ITGA4: variants seen among roughly 807,000 people sequenced by gnomAD.
ITGA4 encodes integrin subunit alpha 4, also known as integrin alpha-4.
In ITGA4, 63 loss-of-function variants were observed where a neutral mutation model predicts 133.6. The ratio of observed to expected loss-of-function variants is 0.47; its 90% CI spans 0.38 to 0.58. The LOEUF is 0.58. ITGA4 is among the 20% of genes least tolerant of loss of function. The pLI is 0.00. For synonymous variants in ITGA4, 483 were observed against 438.0 expected, an observed-to-expected ratio of 1.10 and a Z score of -1.28; for missense variants, 1,076 against 1,252.7, an observed-to-expected ratio of 0.86 and a Z score of 2.13.
intron 10 of ITGA4, among the ~76,000 whole-genome samples, chr2:181,489,931 G>A (rs1412953875): frequency 3.3e-5 from 5 of 152,122 alleles, no homozygotes; most frequent in Admixed American, 2.6e-4. Flanking sequence ...CAAGACTCCT[G>A]TCTCAAGAGC....
At chr2:181,512,110 G>A (rs1000548819) in intron 17 of ITGA4, among the ~76,000 whole-genome samples, 12 of 152,006 alleles carry the variant, frequency 7.9e-5, no homozygotes, top group African/African-American at 2.2e-4. Flanking sequence ...GGTTGCTGTC[G>A]TTATTTTATA....
intron 27 of ITGA4, 79 bp downstream of exon 27, chr2:181,535,014 G>T: frequency 7.0e-7 from 1 of 1,423,498 alleles, no homozygotes; most frequent in South Asian, 1.5e-5. Flanking sequence ...CAAGTTATTA[G>T]ATTTAAATAT....
At chr2:181,493,012 C>T in intron 10 of ITGA4, 1 of 227,602 alleles carries the variant, frequency 4.4e-6, no homozygotes, top group Non-Finnish European at 8.5e-6. Flanking sequence ...ATGGGCCCAA[C>T]CTAGTGTGGC....
chr2:181,511,579 G>T, intron 16 of ITGA4, 120 bp from the exon 17 acceptor site: 1 of 577,054 alleles, frequency 1.7e-6, no homozygotes, highest in Admixed American at 3.1e-5. Flanking sequence ...ATAAAGAGTT[G>T]TCAATTTGAT....
At chr2:181,532,390 T>C (rs1429394803) in intron 25 of ITGA4, among the ~76,000 whole-genome samples, 1 of 152,212 alleles carries the variant, frequency 6.6e-6, no homozygotes, top group Non-Finnish European at 1.5e-5. Flanking sequence ...TCCATGAGCA[T>C]AGAATATTTT....
At chr2:181,503,891 G>A (rs1686336935) in intron 15 of ITGA4, among the ~76,000 whole-genome samples, 1 of 151,978 alleles carries the variant, frequency 6.6e-6, no homozygotes, top group African/African-American at 2.4e-5. Context: ...CTTAGGACAA[G>A]GGATAATTTT....
At chr2:181,462,538 A>G (rs908241891) in intron 2 of ITGA4, among the ~76,000 whole-genome samples, 2 of 152,134 alleles carry the variant, frequency 1.3e-5, no homozygotes, top group African/African-American at 4.8e-5. Context: ...TTCATTTGCA[A>G]TGTGCTTTAA....
rs201187793 is a variant in ITGA4 at position 181,478,746 on chromosome 2, T to C, written c.557-11T>C. 6.6e-4 allele frequency: 847 copies of C among 1,280,108 alleles called. 1 individual carries two copies. The highest frequency in any genetic ancestry group is 8.4e-4 in the Non-Finnish European group (774 of 922,754). 79.3% of individuals were successfully genotyped at this position (1,280,108 alleles called of 1,614,324 possible). A position where few individuals can be genotyped will look rare whatever the true frequency, so the allele number is the denominator to read the frequency against. On this transcript the variant is annotated splice_polypyrimidine_tract_variant and intron_variant, in intron 4 of 27. Transcript: ENST00000397033. ...GATAAAATTCTGAGTTGTTTTAATA[T>C]TTCATTTTAGATTATGTGAAAAAAT...
chr2:181,461,266 G>A (rs1265700155), intron 2 of ITGA4, among the ~76,000 whole-genome samples: 1 of 149,778 alleles, frequency 6.7e-6, no homozygotes, highest in East Asian at 2.0e-4. Context: ...CAAGTTGACT[G>A]CAGAGCCAGC....
chr2:181,482,325 C>G (rs201539928), intron 7 of ITGA4, 35 bp from the exon 8 acceptor site: 83 of 1,557,930 alleles, frequency 5.3e-5, no homozygotes, highest in Non-Finnish European at 6.8e-5. Context: ...AAATGTTATT[C>G]CTAAAAACTT....
At chr2:181,492,462 T>A (rs1466412156) in intron 10 of ITGA4, among the ~76,000 whole-genome samples, 3 of 152,240 alleles carry the variant, frequency 2.0e-5, no homozygotes, top group Non-Finnish European at 4.4e-5. Flanking sequence ...CAAACTACTT[T>A]AGGTTTCTAT....
chr2:181,513,834 GC>G (rs1035054398), intron 17 of ITGA4, among the ~76,000 whole-genome samples: 2 of 152,224 alleles, frequency 1.3e-5, no homozygotes, highest in Admixed American at 6.5e-5. Flanking sequence ...CCTAGGGGAA[GC>G]CCCCTGGTCT....
rs970975567 is a variant in ITGA4 at position 181,525,900 on chromosome 2, C to T, written c.2339+609C>T. The stretch of plus-strand genomic sequence containing the variant: ...TGGAGAAAGAATAAAAGGGGGCTTA[C>T]GGAAACCTTCAGTAATTCCACTAGA... On this transcript the variant is annotated intron_variant, in intron 21 of 27. Transcript: ENST00000397033. Among the ~76,000 whole-genome samples the T allele has an allele frequency of 4.6e-5, 7 of 152,312 alleles. No individual in the cohort carries two copies. The East Asian group carries it at 5.8e-4, about 13-fold the overall frequency.
intron 15 of ITGA4, among the ~76,000 whole-genome samples, chr2:181,500,357 C>T (rs1559048536): frequency 6.6e-6 from 1 of 152,080 alleles, no homozygotes; most frequent in East Asian, 1.9e-4. Flanking sequence ...GTAGCTGTTA[C>T]TTAAGAAGGT....
chr2:181,497,332 A>T (rs945560529), intron 14 of ITGA4, among the ~76,000 whole-genome samples: 1 of 152,216 alleles, frequency 6.6e-6, no homozygotes, highest in African/African-American at 2.4e-5. Flanking sequence ...AATTATCATA[A>T]AATGACTCCC....
intron 15 of ITGA4, among the ~76,000 whole-genome samples, chr2:181,499,978 C>T (rs1164482461): frequency 6.6e-6 from 1 of 152,124 alleles, no homozygotes; most frequent in Non-Finnish European, 1.5e-5. Context: ...CAAAATTGTA[C>T]AGCTTTTTCG....
intron 21 of ITGA4, among the ~76,000 whole-genome samples, chr2:181,526,578 A>C (rs534444794): frequency 1.3e-5 from 2 of 152,310 alleles, no homozygotes; most frequent in South Asian, 4.1e-4. Flanking sequence ...CATTATAAGT[A>C]GCCAGCAGGG....
intron 15 of ITGA4, among the ~76,000 whole-genome samples, chr2:181,500,229 T>A (rs1230791796): frequency 1.3e-5 from 2 of 152,192 alleles, no homozygotes; most frequent in Non-Finnish European, 2.9e-5. Context: ...GGAACACTTT[T>A]AAAACTCGTA....
rs192526445 is a variant in ITGA4 at position 181,460,655 on chromosome 2, C to G, written c.319+2338C>G. Reference sequence around the variant, plus strand: ...TGTCCTGTTTCAAATGTGGGTGACTCTAATGTTTCAAAAATGCTTAGCTCA... The same window carrying G: ...TGTCCTGTTTCAAATGTGGGTGACTGTAATGTTTCAAAAATGCTTAGCTCA... On this transcript the variant is annotated intron_variant, in intron 2 of 27. Transcript: ENST00000397033. Among the ~76,000 whole-genome samples, 77 of 151,082 alleles carry G rather than the reference C, an allele frequency of 5.1e-4. 1 individual carries two copies. In the Middle Eastern group the frequency reaches 0.01, roughly 20 times the overall value.
Sources: gnomAD v4.1 joint callset for allele counts (sites outside exome capture counted in the v4.1 genomes callset) on GRCh38, gnomAD v4.1.1 for gene constraint, MANE v1.5 for transcripts, NCBI Gene and HGNC (gene_info 2026-07-23, HGNC 2026-07-21) for gene names.